Variants in CENPE observed in about 807,000 individuals in gnomAD.
CENPE encodes centromere protein E.
Under a neutral mutation model 336.1 loss-of-function variants are expected in CENPE, and 145 were observed. That is an observed-to-expected ratio of 0.43 (90% CI 0.38 to 0.50). The LOEUF (loss-of-function observed/expected upper bound fraction) is 0.50. CENPE is among the 20% of genes least tolerant of loss of function. CENPE has a pLI of 0.00. For missense variants in CENPE, 2,719 were observed against 3,023.3 expected (o/e 0.90, Z 2.36); for synonymous variants, 1,013 against 984.8 (o/e 1.03, Z -0.54).
intron 44 of CENPE, among the ~76,000 whole-genome samples, chr4:103,118,534 AT>A (rs1421552130): frequency 1.3e-5 from 2 of 152,334 alleles, no homozygotes; most frequent in Admixed American, 6.5e-5. Flanking sequence ...TTAAGTCTCA[AT>A]AAAATCCAAC....
chr4:103,122,433 C>T (rs969865000), intron 43 of CENPE, among the ~76,000 whole-genome samples: 4 of 152,086 alleles, frequency 2.6e-5, no homozygotes, highest in African/African-American at 9.7e-5. Flanking sequence ...TTTTTAACCT[C>T]TTATATTTTT....
At chr4:103,134,546 T>C (rs935129325) in intron 40 of CENPE, among the ~76,000 whole-genome samples, 1 of 141,656 alleles carries the variant, frequency 7.1e-6, no homozygotes, top group Non-Finnish European at 1.5e-5. Flanking sequence ...GGCAGGAGAA[T>C]GGCGTGAACC....
intron 16 of CENPE, among the ~76,000 whole-genome samples, chr4:103,170,987 A>G (rs533623079): frequency 2.6e-5 from 4 of 152,322 alleles, no homozygotes; most frequent in East Asian, 1.9e-4. Context: ...AGGTTGTAAC[A>G]ATTGTAAATA....
Position 103,189,727 on chromosome 4 carries a change from G to A in CENPE, c.694-3866C>T, listed in dbSNP as rs568258326. ...ACTCGAAGCATTCCCTTTAAAAACT[G>A]GCACAAGACAAGGATGCCCTCTCTC... On this transcript the variant is annotated intron_variant, in intron 8 of 48. Transcript: ENST00000265148. 6.6e-5 allele frequency among the ~76,000 whole-genome samples: 10 copies of A among 152,182 alleles called. 1 individual carries two copies. The South Asian group carries it at 2.1e-3, about 32-fold the overall frequency.
At chr4:103,132,571 A>G in intron 42 of CENPE, 122 bp downstream of exon 42, 1 of 471,380 alleles carries the variant, frequency 2.1e-6, no homozygotes. Flanking sequence ...GTTTTATCAA[A>G]TCAATTTTTT....
At chr4:103,139,460 T>C (rs1448469998) in intron 38 of CENPE, among the ~76,000 whole-genome samples, 1 of 152,126 alleles carries the variant, frequency 6.6e-6, no homozygotes, top group Non-Finnish European at 1.5e-5. Context: ...ATGGGAATAT[T>C]TGCTCTCTTA....
chr4:103,158,573 G>A (rs2125967087), intron 23 of CENPE, 41 bp downstream of exon 23: 1 of 1,550,668 alleles, frequency 6.4e-7, no homozygotes, highest in Middle Eastern at 1.8e-4. Context: ...ATGTTTTTAA[G>A]AGTCTCCAAT....
At chr4:103,127,616 G>T (rs959813869) in intron 42 of CENPE, among the ~76,000 whole-genome samples, 1 of 152,080 alleles carries the variant, frequency 6.6e-6, no homozygotes, top group African/African-American at 2.4e-5. Flanking sequence ...ATGAATAACG[G>T]CAATGATACA....
rs776705184 is a variant in CENPE, at chr4:103,153,143, A to C, written c.3141T>G (p.Ser1047=). 6.2e-7 allele frequency: 1 copy of C among 1,612,882 alleles called. No homozygotes were observed. Among genetic ancestry groups the C allele is most frequent in the Non-Finnish European group, 8.5e-7 (1 of 1,179,324 alleles). Residue 1047 remains serine (S), a synonymous_variant, in exon 25 of 49, where the codon TCT becomes TCG. Transcript: ENST00000265148. ...GGAGTTCATTTTTCTCCTGTATTAA[A>C]GAAAATATCTTCCTTTGTTGCTCAA... The part of the protein sequence containing the change: ...EIIEQQRKIF[S]LIQEKNELQQ...
In CENPE at chr4:103,149,154, G is replaced by T. The variant is rs200912709; in HGVS notation, c.3651C>A (p.Asp1217Glu). The stretch of plus-strand genomic sequence containing the variant: ...TTTCTCTTATATATCCTCTAAGGTG[G>T]TCTCTCTCTGTTTCAAATGACTTCT... ...ELQKSFETER[D>E]HLRGYIREIE... Residue 1217 changes from aspartate (D) to glutamate (E), a missense_variant, in exon 27 of 49, where the codon GAC (aspartate) becomes GAA (glutamate). Around this residue, in one of 5 missense-constraint regions of CENPE, gnomAD observed 2,437 missense variants for 2,513.3 expected, o/e 0.97. Coordinates refer to ENST00000265148, the MANE Select transcript of CENPE (RefSeq NM_001813.3). 2.5e-6 allele frequency: 4 copies of T among 1,606,494 alleles called. No homozygotes were observed. The highest frequency in any genetic ancestry group is 1.1e-5 in the South Asian group (1 of 89,956).
chr4:103,151,190 TGGCCAGGG>T (rs1330092787), intron 26 of CENPE, 21 bp downstream of exon 26: 1 of 1,570,552 alleles, frequency 6.4e-7, no homozygotes. Context: ...TTAGAAAAAA[TGGCCAGGG>T]AAATAACTTT....
Position 103,141,095 on chromosome 4 carries a change from G to A in CENPE, c.5473C>T (p.Leu1825Phe). Reference sequence around the variant, plus strand: ...ATAAGTTGATGTTCATTTGCCTTAAGTTCTTGAATCTTAAGATAATCATAA... The same window carrying A: ...ATAAGTTGATGTTCATTTGCCTTAAATTCTTGAATCTTAAGATAATCATAA... ...NAKLQEKIQE[L>F]KANEHQLITL... The change falls in exon 36 of 49, where the codon CTT (leucine) becomes TTT (phenylalanine). Residue 1825 changes from leucine to phenylalanine, a missense_variant. By Grantham distance (22) the Leu-to-Phe change is conservative. Around this residue, in one of 5 missense-constraint regions of CENPE, gnomAD observed 2,437 missense variants for 2,513.3 expected, o/e 0.97. Coordinates refer to ENST00000265148, the MANE Select transcript of CENPE (RefSeq NM_001813.3). 6.5e-7 allele frequency: 1 copy of A among 1,536,188 alleles called. No homozygotes were observed. The highest frequency in any genetic ancestry group is 8.8e-7 in the Non-Finnish European group (1 of 1,132,818).
rs970116960 is a variant in CENPE, at chr4:103,175,447, A to C, written c.1479+513T>G. Among the ~76,000 whole-genome samples the C allele has an allele frequency of 3.3e-5, 5 of 152,074 alleles. No individual in the cohort carries two copies. In the South Asian group the frequency reaches 6.2e-4, roughly 19 times the overall value. The stretch of plus-strand genomic sequence containing the variant: ...CACTTTATCAATAATACTTTATAGG[A>C]ATTAACTAACAATAATAAGTAGTAA... On this transcript the variant is annotated intron_variant, in intron 15 of 48. Coordinates refer to ENST00000265148, the MANE Select transcript of CENPE (RefSeq NM_001813.3).
Position 103,144,422 on chromosome 4 carries a change from G to T in CENPE, c.5054C>A (p.Thr1685Lys), listed in dbSNP as rs370655189. 6.2e-7 allele frequency: 1 copy of T among 1,613,784 alleles called. No individual in the cohort carries two copies. The highest frequency in any genetic ancestry group is 1.1e-5 in the South Asian group (1 of 91,056). Reference protein sequence around the residue: ...HENLEEMRSVTKERDDLRSVE... With the variant: ...HENLEEMRSVKKERDDLRSVE... ...ACTCCTAAGGTCATCTCTTTCTTTT[G>T]TTACAGATCTCATTTCTTCAAGGTT... The change falls in exon 33 of 49, where the codon ACA becomes AAA. Residue 1685 changes from threonine to lysine, a missense_variant. Thr to Lys is a moderately conservative substitution (Grantham distance 78, BLOSUM62 -1). Transcript: ENST00000265148.
chr4:103,192,108 A>G (rs1421853591), intron 8 of CENPE, among the ~76,000 whole-genome samples: 1 of 152,148 alleles, frequency 6.6e-6, no homozygotes, highest in East Asian at 1.9e-4. Context: ...ACAACTTAGT[A>G]AATATTGTGA....
intron 13 of CENPE, among the ~76,000 whole-genome samples, chr4:103,178,508 A>C (rs1275296104): frequency 6.6e-6 from 1 of 152,170 alleles, no homozygotes; most frequent in Non-Finnish European, 1.5e-5. Flanking sequence ...TGTTTGCTCC[A>C]ATTCAAGAGG....
At chr4:103,154,457 T>A (rs1005678735) in intron 24 of CENPE, among the ~76,000 whole-genome samples, 1 of 152,170 alleles carries the variant, frequency 6.6e-6, no homozygotes, top group Non-Finnish European at 1.5e-5. Flanking sequence ...AGATATAAAC[T>A]GTACTTTATT....
At chr4:103,176,765 G>T in intron 14 of CENPE, 134 bp downstream of exon 14, 3 of 604,738 alleles carry the variant, frequency 5.0e-6, no homozygotes, top group Non-Finnish European at 7.5e-6. Context: ...TTAAATCATA[G>T]TCTCCATTGT....
intron 42 of CENPE, among the ~76,000 whole-genome samples, chr4:103,124,949 T>G (rs1359963629): frequency 6.6e-6 from 1 of 152,212 alleles, no homozygotes; most frequent in Non-Finnish European, 1.5e-5. Flanking sequence ...ATCCACATAG[T>G]AGAAATCCCT....
Sources: allele counts gnomAD v4.1 joint callset (sites outside exome capture counted in the v4.1 genomes callset), GRCh38; gene constraint gnomAD v4.1.1; regional missense constraint gnomAD v4.1.1; transcripts MANE v1.5; gene names NCBI Gene and HGNC (gene_info 2026-07-23, HGNC 2026-07-21).